Variants in BCKDHB observed in about 807,000 individuals in gnomAD.
The protein encoded by BCKDHB is 2-oxoisovalerate dehydrogenase subunit beta, mitochondrial.
Under a neutral mutation model 48.5 loss-of-function variants are expected in BCKDHB, and 41 were observed. The ratio of observed to expected loss-of-function variants is 0.85; its 90% CI spans 0.66 to 1.10. The LOEUF is 1.10. Ranked by LOEUF, BCKDHB falls within the 50% of genes least tolerant of loss-of-function variation. The probability of loss-of-function intolerance (pLI) is 0.00; values close to 1 mark genes in which losing one functional copy is unlikely to be tolerated. For synonymous variants in BCKDHB, 201 were observed against 174.8 expected (o/e 1.15, Z -1.18); for missense variants, 496 against 494.2 (o/e 1.00, Z -0.03).
At chr6:80,279,517 T>G (rs931693581) in intron 9 of BCKDHB, among the ~76,000 whole-genome samples, 1 of 152,114 alleles carries the variant, frequency 6.6e-6, no homozygotes, top group Non-Finnish European at 1.5e-5. Context: ...TATGTATTAT[T>G]TTCTTAAAAC....
intron 8 of BCKDHB, among the ~76,000 whole-genome samples, chr6:80,208,769 T>A (rs1425364034): frequency 6.6e-6 from 1 of 151,868 alleles, no homozygotes; most frequent in Non-Finnish European, 1.5e-5. Context: ...ATTAAAAAAT[T>A]AAATTTAATG....
chr6:80,423,739 A>G, the BCKDHB span, among the ~76,000 whole-genome samples: 2,479 of 152,304 alleles, frequency 0.016, 64 homozygotes, highest in African/African-American at 0.057. Context: ...ATCTGAACTT[A>G]TAACAGTGTC....
intron 3 of BCKDHB, among the ~76,000 whole-genome samples, chr6:80,133,495 T>C (rs1217608854): frequency 6.6e-6 from 1 of 152,164 alleles, no homozygotes; most frequent in Non-Finnish European, 1.5e-5. Flanking sequence ...GCATTCCAAA[T>C]GGCAGCTTTA....
chr6:80,303,108 T>C (rs1358565131), intron 9 of BCKDHB, among the ~76,000 whole-genome samples: 1 of 152,124 alleles, frequency 6.6e-6, no homozygotes, highest in Non-Finnish European at 1.5e-5. Context: ...TTACCTGAAC[T>C]CAAAGGGTAA....
At chr6:80,363,521 T>C in the BCKDHB span, among the ~76,000 whole-genome samples, 2 of 152,214 alleles carry the variant, frequency 1.3e-5, no homozygotes, top group African/African-American at 4.8e-5. Context: ...TCCTTTTCTA[T>C]CACACAAGAA....
intron 9 of BCKDHB, among the ~76,000 whole-genome samples, chr6:80,340,218 G>A (rs191034001): frequency 8.1e-4 from 124 of 152,322 alleles, no homozygotes; most frequent in African/African-American, 3.0e-3. Context: ...TTAAGCACCT[G>A]TCATATGTGC....
the BCKDHB span, among the ~76,000 whole-genome samples, chr6:80,408,195 G>T: frequency 1.3e-5 from 2 of 152,136 alleles, no homozygotes; most frequent in African/African-American, 4.8e-5. Context: ...TGCATCCCAG[G>T]TATGAAGCTG....
the BCKDHB span, among the ~76,000 whole-genome samples, chr6:80,451,265 C>T: frequency 3.1e-4 from 46 of 147,680 alleles, no homozygotes; most frequent in African/African-American, 1.2e-3. Context: ...TGGTGATCAG[C>T]GTATAGGCTC....
chr6:80,195,614 A>G (rs1225268842), intron 6 of BCKDHB, among the ~76,000 whole-genome samples: 1 of 152,178 alleles, frequency 6.6e-6, no homozygotes, highest in Non-Finnish European at 1.5e-5. Flanking sequence ...AATTGTGATG[A>G]TATTTTCTTC....
At chr6:80,213,084 G>C (rs1310639805) in intron 8 of BCKDHB, among the ~76,000 whole-genome samples, 1 of 152,154 alleles carries the variant, frequency 6.6e-6, no homozygotes, top group East Asian at 1.9e-4. Context: ...ATATTAGCAA[G>C]AGAAAGTTTA....
At chr6:80,164,099 C>T (rs77135699) in intron 3 of BCKDHB, among the ~76,000 whole-genome samples, 2,943 of 152,210 alleles carry the variant, frequency 0.019, 94 homozygotes, top group African/African-American at 0.067. Context: ...ATGGCATGAC[C>T]GTACTCAAGA....
intron 3 of BCKDHB, among the ~76,000 whole-genome samples, chr6:80,150,783 C>T (rs934795376): frequency 6.6e-6 from 1 of 152,032 alleles, no homozygotes; most frequent in African/African-American, 2.4e-5. Context: ...TCTTTTTCTC[C>T]TGACCTCAGG....
intron 6 of BCKDHB, among the ~76,000 whole-genome samples, chr6:80,183,835 T>C (rs925505519): frequency 2.0e-5 from 3 of 152,192 alleles, no homozygotes; most frequent in Admixed American, 1.3e-4. Flanking sequence ...ATTGGAATTA[T>C]GCAGTATGAA....
chr6:80,200,524 T>A (rs1333611030), intron 6 of BCKDHB, among the ~76,000 whole-genome samples: 1 of 152,194 alleles, frequency 6.6e-6, no homozygotes, highest in Admixed American at 6.5e-5. Flanking sequence ...AATTTTAGAT[T>A]TACAGAAAAA....
intron 8 of BCKDHB, among the ~76,000 whole-genome samples, chr6:80,209,160 A>T (rs66486409): frequency 0.081 from 12,290 of 151,884 alleles, 576 homozygotes; most frequent in South Asian, 0.099. Context: ...GAAGATAATT[A>T]TCTTACTCTG....
chr6:80,110,259 G>A (rs189444797), intron 1 of BCKDHB, among the ~76,000 whole-genome samples: 6 of 152,158 alleles, frequency 3.9e-5, no homozygotes, highest in African/African-American at 1.4e-4. Flanking sequence ...GTCATTCTCT[G>A]CATTTTTATT....
intron 9 of BCKDHB, among the ~76,000 whole-genome samples, chr6:80,313,627 C>T (rs1291312012): frequency 6.6e-6 from 1 of 152,184 alleles, no homozygotes; most frequent in Non-Finnish European, 1.5e-5. Context: ...TCCCAAAGTG[C>T]TGGAATTACA....
chr6:80,404,177 C>G, the BCKDHB span, among the ~76,000 whole-genome samples: 2 of 151,902 alleles, frequency 1.3e-5, no homozygotes, highest in Non-Finnish European at 2.9e-5. Context: ...GTTGTTAGAA[C>G]TCAACTGTGA....
chr6:80,441,383 G>A, the BCKDHB span, among the ~76,000 whole-genome samples: 1 of 152,174 alleles, frequency 6.6e-6, no homozygotes, highest in African/African-American at 2.4e-5. Flanking sequence ...AAACTCTGGA[G>A]AGCTCAAAAC....
Sources: allele counts gnomAD v4.1 joint callset (sites outside exome capture counted in the v4.1 genomes callset), GRCh38; gene constraint gnomAD v4.1.1; transcripts MANE v1.5; gene names NCBI Gene and HGNC (gene_info 2026-07-23, HGNC 2026-07-21).